AGMO: variants seen among roughly 807,000 people sequenced by gnomAD.
AGMO encodes the protein glyceryl-ether monooxygenase.
Under a neutral mutation model 60.2 loss-of-function variants are expected in AGMO, and 75 were observed. That is an observed-to-expected ratio of 1.25 (90% CI 1.03 to 1.51). The LOEUF is 1.51. Among genes scored for constraint, AGMO ranks in the 40% most tolerant of loss-of-function variants. The pLI is 0.00. For missense variants in AGMO, 763 were observed against 525.5 expected (o/e 1.45, Z -4.42); for synonymous variants, 261 against 177.1 (o/e 1.47, Z -3.76).
chr7:15,165,121 A>G, the AGMO span, among the ~76,000 whole-genome samples: 1 of 152,174 alleles, frequency 6.6e-6, no homozygotes, highest in Non-Finnish European at 1.5e-5. Context: ...TTCCAAGTGA[A>G]ATAATTCAAG....
intron 12 of AGMO, among the ~76,000 whole-genome samples, chr7:15,335,067 T>C (rs868665574): frequency 1.3e-5 from 2 of 152,148 alleles, no homozygotes; most frequent in African/African-American, 4.8e-5. Context: ...TTTGTATGGC[T>C]TGGGAAGCCG....
At chr7:15,276,377 T>TGTA (rs1229067931) in intron 12 of AGMO, among the ~76,000 whole-genome samples, 1 of 152,134 alleles carries the variant, frequency 6.6e-6, no homozygotes. Context: ...TCTTCTGGCT[T>TGTA]GTAAGGTTTC....
At chr7:15,220,800 T>A (rs555529652) in intron 12 of AGMO, among the ~76,000 whole-genome samples, 1 of 152,258 alleles carries the variant, frequency 6.6e-6, no homozygotes, top group South Asian at 2.1e-4. Flanking sequence ...ATAAATAGCA[T>A]ATATTTTCAG....
chr7:15,228,728 C>T (rs947392377), intron 12 of AGMO, among the ~76,000 whole-genome samples: 1 of 152,016 alleles, frequency 6.6e-6, no homozygotes, highest in Non-Finnish European at 1.5e-5. Context: ...TAGTTATCTG[C>T]CAAAGCTGAA....
At chr7:15,184,435 A>C in the AGMO span, among the ~76,000 whole-genome samples, 2 of 131,158 alleles carry the variant, frequency 1.5e-5, no homozygotes, top group African/African-American at 5.8e-5. Flanking sequence ...AGAAGGAAGG[A>C]AGGGAGGGAG....
intron 3 of AGMO, among the ~76,000 whole-genome samples, chr7:15,457,460 T>C (rs190276394): frequency 1.5e-3 from 226 of 152,308 alleles, no homozygotes; most frequent in Non-Finnish European, 2.7e-3. Flanking sequence ...AATACATTCT[T>C]AGAAACCCTA....
At chr7:15,394,874 T>TA (rs770367503) in intron 5 of AGMO, among the ~76,000 whole-genome samples, 48 of 152,296 alleles carry the variant, frequency 3.2e-4, no homozygotes, top group Non-Finnish European at 5.4e-4. Context: ...GTCAAATATA[T>TA]AAAAAGGCCT....
At chr7:15,353,060 T>G (rs1051246648) in intron 12 of AGMO, among the ~76,000 whole-genome samples, 2 of 152,094 alleles carry the variant, frequency 1.3e-5, no homozygotes, top group Non-Finnish European at 2.9e-5. Flanking sequence ...CCTTTGTTAT[T>G]TCAAATGTAG....
chr7:15,321,948 G>A (rs577758953), intron 12 of AGMO, among the ~76,000 whole-genome samples: 1 of 151,908 alleles, frequency 6.6e-6, no homozygotes, highest in East Asian at 1.9e-4. Context: ...TTCTTACTGG[G>A]TTTTTGAGAA....
the AGMO span, among the ~76,000 whole-genome samples, chr7:15,161,308 A>G: frequency 1.8e-3 from 276 of 152,178 alleles, 2 homozygotes; most frequent in African/African-American, 6.5e-3. Context: ...AAAAAAGACA[A>G]ATGTTCCCCA....
chr7:15,379,824 G>C lies in AGMO; in HGVS notation c.1074+5622C>G, dbSNP rs146022261. 3.8e-4 allele frequency among the ~76,000 whole-genome samples: 58 copies of C among 152,074 alleles called. No homozygotes were observed. In the East Asian group the frequency reaches 0.011, roughly 29 times the overall value. ...AAAGCTTATCCACCATGATTAAATGGGCTTTATCCCTGGGTGCAAGGTTGG... is the reference window on the plus strand; with the variant it reads ...AAAGCTTATCCACCATGATTAAATGCGCTTTATCCCTGGGTGCAAGGTTGG... On this transcript the variant is annotated intron_variant, in intron 10 of 12. Coordinates refer to ENST00000342526, the MANE Select transcript of AGMO (RefSeq NM_001004320.2).
At chr7:15,491,581 C>G (rs181695235) in intron 3 of AGMO, among the ~76,000 whole-genome samples, 7 of 152,236 alleles carry the variant, frequency 4.6e-5, no homozygotes, top group Non-Finnish European at 8.8e-5. Context: ...ATATTAGCAA[C>G]AGAAAATAAA....
Position 15,390,864 on chromosome 7 carries a change from G to C in AGMO, c.718C>G (p.Leu240Val), listed in dbSNP as rs772538285. 6.2e-7 allele frequency: 1 copy of C among 1,604,124 alleles called. No individual in the cohort carries two copies. The highest frequency in any genetic ancestry group is 1.3e-5 in the African/African-American group (1 of 74,604). ...CCAAAAATTTTATCCCAAATAATAA[G>C]AACACCAGCATAATTTTTGTCTATG... ...YCIDKNYAGVLIIWDKIFGTF... is the reference protein window; with the variant it reads ...YCIDKNYAGVVIIWDKIFGTF... Residue 240 changes from leucine (L) to valine (V), a missense_variant, in exon 7 of 13, where the codon CTT (leucine) becomes GTT (valine). Coordinates refer to ENST00000342526, the MANE Select transcript of AGMO (RefSeq NM_001004320.2).
chr7:15,311,719 C>T (rs990605911), intron 12 of AGMO, among the ~76,000 whole-genome samples: 2 of 152,040 alleles, frequency 1.3e-5, no homozygotes, highest in Admixed American at 1.3e-4. Context: ...TAATAAATTT[C>T]ACAAGAAAAC....
chr7:15,485,825 A>T (rs984705738), intron 3 of AGMO, among the ~76,000 whole-genome samples: 1 of 151,682 alleles, frequency 6.6e-6, no homozygotes, highest in African/African-American at 2.4e-5. Flanking sequence ...CTCTCGGTGA[A>T]GCATTTTTTC....
At chr7:15,164,996 C>G in the AGMO span, among the ~76,000 whole-genome samples, 1 of 152,040 alleles carries the variant, frequency 6.6e-6, no homozygotes, top group Non-Finnish European at 1.5e-5. Flanking sequence ...AAGAGTTCAT[C>G]AACAGATTAT....
At chr7:15,446,575 A>G (rs1484359445) in intron 3 of AGMO, among the ~76,000 whole-genome samples, 1 of 152,238 alleles carries the variant, frequency 6.6e-6, no homozygotes, top group Non-Finnish European at 1.5e-5. Flanking sequence ...CTTTGAGATG[A>G]AATTAAATGA....
intron 3 of AGMO, among the ~76,000 whole-genome samples, chr7:15,534,851 C>G (rs1784451126): frequency 6.6e-6 from 1 of 151,714 alleles, no homozygotes; most frequent in Admixed American, 6.6e-5. Flanking sequence ...ATTCTTATAA[C>G]TACCAATGTA....
intron 3 of AGMO, among the ~76,000 whole-genome samples, chr7:15,513,883 T>A (rs1783742116): frequency 6.6e-6 from 1 of 152,148 alleles, no homozygotes; most frequent in Non-Finnish European, 1.5e-5. Context: ...GCCACCACCC[T>A]TCTGTGATAT....
Sources: allele counts gnomAD v4.1 joint callset (sites outside exome capture counted in the v4.1 genomes callset), GRCh38; gene constraint gnomAD v4.1.1; transcripts MANE v1.5; gene names NCBI Gene and HGNC (gene_info 2026-07-23, HGNC 2026-07-21).